The following AGPAT3 variants were observed in gnomAD, a reference collection of about 807,000 sequenced individuals.
The protein encoded by AGPAT3 is 1-acyl-sn-glycerol-3-phosphate acyltransferase gamma.
Under a neutral mutation model 47.3 loss-of-function variants are expected in AGPAT3, and 5 were observed. The ratio of observed to expected loss-of-function variants is 0.11; its 90% CI spans 0.06 to 0.22. The LOEUF (loss-of-function observed/expected upper bound fraction) is 0.22. Among genes scored for constraint, AGPAT3 ranks in the 10% least tolerant of loss-of-function variants. AGPAT3 has a pLI of 1.00. For missense variants in AGPAT3, 315 were observed against 493.0 expected, an observed-to-expected ratio of 0.64 and a Z score of 3.42; for synonymous variants, 212 against 208.3, an observed-to-expected ratio of 1.02 and a Z score of -0.15.
intron 1 of AGPAT3, among the ~76,000 whole-genome samples, chr21:43,898,128 AG>A: frequency 6.6e-6 from 1 of 152,092 alleles, no homozygotes; most frequent in Non-Finnish European, 1.5e-5. Context: ...AAGAAAGAAG[AG>A]GGGAGAGGGG....
chr21:43,973,548 G>A (rs1004699975), intron 7 of AGPAT3, among the ~76,000 whole-genome samples: 8 of 152,176 alleles, frequency 5.3e-5, no homozygotes, highest in Non-Finnish European at 1.0e-4. Flanking sequence ...CTCCGCCTCG[G>A]GTGCCACACA....
intron 2 of AGPAT3, chr21:43,946,911 G>T (rs781479761): frequency 2.0e-5 from 3 of 152,288 alleles, no homozygotes; most frequent in Non-Finnish European, 2.9e-5. Context: ...CTGCAGGCCC[G>T]CAGACTTGTC....
Position 43,865,945 on chromosome 21 carries a change from C to G in AGPAT3, c.-112+600C>G, listed in dbSNP as rs552293118. On this transcript the variant is annotated intron_variant, in intron 1 of 9. Transcript: ENST00000291572. ...CCCGGGGTTGGCTGTGGGTTCGGCC[C>G]GGAGACCGGCGGCGCGTTTGCACCG... 1.0e-3 allele frequency among the ~76,000 whole-genome samples: 157 copies of G among 152,118 alleles called. 6 individuals carry two copies. In the South Asian group the frequency reaches 0.032, roughly 31 times the overall value.
rs951419120 is a variant in AGPAT3, at chr21:43,908,900, G to A, written c.-49+4881G>A. On this transcript the variant is annotated intron_variant, in intron 2 of 9. Transcript: ENST00000291572. The surrounding 1 kb of genome is among the most constrained non-coding windows in gnomAD (Gnocchi z 4.9). The stretch of plus-strand genomic sequence containing the variant: ...CTCAGGCTCAGCTCACACGGTCCCC[G>A]GATGCCCCTGCTGTGCTCCGAGGTT... Among the ~76,000 whole-genome samples the A allele has an allele frequency of 3.3e-5, 5 of 152,074 alleles. No individual in the cohort carries two copies. The highest frequency in any genetic ancestry group is 9.7e-5 in the African/African-American group (4 of 41,406).
rs2030339452 is a variant in AGPAT3, at chr21:43,986,741, C to CT, written c.*4354dup. ...GAGTGCGCATGACAGCCACTGGCTT[C>CT]TTTTTCTATGATTGAAAATCTGCCA... On this transcript the variant is annotated 3_prime_UTR_variant, in exon 10 of 10. Coordinates refer to ENST00000291572, the MANE Select transcript of AGPAT3 (RefSeq NM_020132.5). Among the ~76,000 whole-genome samples, 1 of 152,236 alleles carries CT rather than the reference C, an allele frequency of 6.6e-6. No individual in the cohort carries two copies. The highest frequency in any genetic ancestry group is 2.1e-4 in the South Asian group (1 of 4,832).
intron 4 of AGPAT3, 64 bp downstream of exon 4, chr21:43,968,179 G>A (rs557890618): frequency 1.9e-6 from 3 of 1,576,750 alleles, no homozygotes; most frequent in South Asian, 2.3e-5. Context: ...CCGGGGGTGA[G>A]CGGGGACCCA....
At chr21:43,884,464 G>A (rs1251620648) in intron 1 of AGPAT3, among the ~76,000 whole-genome samples, 1 of 152,186 alleles carries the variant, frequency 6.6e-6, no homozygotes, top group East Asian at 1.9e-4. Context: ...GAGCCGCACA[G>A]TCCCTTCCAG....
intron 2 of AGPAT3, among the ~76,000 whole-genome samples, chr21:43,931,232 G>T (rs1254214592): frequency 6.6e-6 from 1 of 152,186 alleles, no homozygotes; most frequent in Admixed American, 6.5e-5. Context: ...CCCGCATCTG[G>T]TGCTAGTGAC....
intron 1 of AGPAT3, among the ~76,000 whole-genome samples, chr21:43,892,342 T>A (rs1339603121): frequency 6.6e-6 from 1 of 152,118 alleles, no homozygotes; most frequent in Non-Finnish European, 1.5e-5. Flanking sequence ...AATTACTCCT[T>A]GATCCATGGG....
chr21:43,905,140 C>CTTT (rs199511441), intron 2 of AGPAT3, among the ~76,000 whole-genome samples: 1 of 148,866 alleles, frequency 6.7e-6, no homozygotes, highest in African/African-American at 2.5e-5. Flanking sequence ...TTTAGTGTCT[C>CTTT]TTTTTTTAAA....
intron 2 of AGPAT3, among the ~76,000 whole-genome samples, chr21:43,946,702 C>T (rs563811058): frequency 2.0e-5 from 3 of 152,098 alleles, no homozygotes; most frequent in South Asian, 4.2e-4. Flanking sequence ...GTTATTATAA[C>T]GCGTAGTTCG....
intron 2 of AGPAT3, chr21:43,948,317 A>T (rs1002772659): frequency 6.6e-6 from 1 of 152,110 alleles, no homozygotes; most frequent in African/African-American, 2.4e-5. Context: ...CGAGGGAGGG[A>T]AGAACGACAA....
chr21:43,866,079 G>T (rs772160028), intron 1 of AGPAT3, among the ~76,000 whole-genome samples: 142 of 152,020 alleles, frequency 9.3e-4, no homozygotes, highest in South Asian at 2.9e-3. Flanking sequence ...CTTAGGAAAG[G>T]AGGGTTATTA....
At chr21:43,910,603 C>CTGT (rs2086610621) in intron 2 of AGPAT3, among the ~76,000 whole-genome samples, 2 of 152,176 alleles carry the variant, frequency 1.3e-5, no homozygotes, top group Admixed American at 6.5e-5. Flanking sequence ...AGCAAGTGTG[C>CTGT]TGTATGCCCA....
intron 2 of AGPAT3, 125 bp from the exon 3 acceptor site, chr21:43,959,509 G>A: frequency 1.2e-6 from 1 of 809,076 alleles, no homozygotes; most frequent in Non-Finnish European, 2.0e-6. Context: ...GGTTTGCAGT[G>A]TGCTGTGCAG....
At chr21:43,867,694 G>A (rs1265102705) in intron 1 of AGPAT3, 2 of 152,226 alleles carry the variant, frequency 1.3e-5, no homozygotes, top group Non-Finnish European at 2.9e-5. Flanking sequence ...CGGTGGACTG[G>A]TGTTTCTAGA....
chr21:43,976,114 C>T (rs1412462817), intron 7 of AGPAT3, among the ~76,000 whole-genome samples: 6 of 150,828 alleles, frequency 4.0e-5, no homozygotes. Context: ...GTCACCCAGG[C>T]TGGAGTGCAG....
intron 2 of AGPAT3, among the ~76,000 whole-genome samples, chr21:43,937,684 A>G (rs561519941): frequency 2.0e-5 from 3 of 152,222 alleles, no homozygotes; most frequent in African/African-American, 7.2e-5. Context: ...CTGCCTCCGA[A>G]AGTGCTGGAA....
intron 8 of AGPAT3, 82 bp downstream of exon 8, chr21:43,978,203 C>T (rs969975301): frequency 3.4e-6 from 4 of 1,179,896 alleles, no homozygotes; most frequent in Admixed American, 1.9e-5. Context: ...GCAGGTGACA[C>T]GTGGGAACTC....
Sources: gnomAD v4.1 joint callset for allele counts (sites outside exome capture counted in the v4.1 genomes callset) on GRCh38, gnomAD v4.1.1 for gene constraint, Gnocchi (gnomAD v3.1) non-coding constraint, MANE v1.5 for transcripts, NCBI Gene and HGNC (gene_info 2026-07-23, HGNC 2026-07-21) for gene names.